Variants in GABRG3 observed in about 807,000 individuals in gnomAD.
The protein encoded by GABRG3 is gamma-aminobutyric acid type A receptor subunit gamma3, also known as gamma-aminobutyric acid receptor subunit gamma-3.
Under a neutral mutation model 48.8 loss-of-function variants are expected in GABRG3, and 25 were observed. The observed-to-expected ratio is 0.51, with a 90% CI of 0.37 to 0.72. The LOEUF is 0.72. Ranked by LOEUF, GABRG3 falls within the 30% of genes least tolerant of loss-of-function variation. The pLI is 0.00. For synonymous variants in GABRG3, 227 were observed against 217.6 expected (o/e 1.04, Z -0.38); for missense variants, 394 against 577.9 (o/e 0.68, Z 3.26).
intron 5 of GABRG3, among the ~76,000 whole-genome samples, chr15:27,439,694 G>T (rs1888725187): frequency 6.6e-6 from 1 of 152,212 alleles, no homozygotes; most frequent in East Asian, 1.9e-4. Flanking sequence ...GCTCAAGACA[G>T]TGTACACAGC....
chr15:27,362,976 A>G (rs1895072325), intron 5 of GABRG3: 2 of 152,224 alleles, frequency 1.3e-5, no homozygotes, highest in Admixed American at 6.5e-5. Flanking sequence ...AAAGAATACC[A>G]TACTGTAAAT....
At chr15:27,132,674 GAGTTT>G (rs1386257977) in intron 3 of GABRG3, among the ~76,000 whole-genome samples, 6 of 150,774 alleles carry the variant, frequency 4.0e-5, no homozygotes, top group African/African-American at 1.5e-4. Context: ...TTTTGGTGCT[GAGTTT>G]AGTTACATGC....
intron 3 of GABRG3, among the ~76,000 whole-genome samples, chr15:27,166,343 A>G (rs1035428445): frequency 6.6e-6 from 1 of 152,186 alleles, no homozygotes; most frequent in African/African-American, 2.4e-5. Context: ...CCATTTTAGT[A>G]TTGATTTGCT....
chr15:27,387,379 C>T (rs1201921766), intron 5 of GABRG3, among the ~76,000 whole-genome samples: 1 of 151,994 alleles, frequency 6.6e-6, no homozygotes, highest in East Asian at 1.9e-4. Flanking sequence ...TTTGAGTGCA[C>T]ATTCTGGCCT....
intron 3 of GABRG3, among the ~76,000 whole-genome samples, chr15:27,234,661 C>T (rs1354369724): frequency 6.6e-6 from 1 of 152,156 alleles, no homozygotes; most frequent in Non-Finnish European, 1.5e-5. Flanking sequence ...GGATGATCAC[C>T]TTTTAGTTAC....
At chr15:27,370,644 C>G (rs1895378722) in intron 5 of GABRG3, among the ~76,000 whole-genome samples, 1 of 152,204 alleles carries the variant, frequency 6.6e-6, no homozygotes. Flanking sequence ...GCTTCATTAG[C>G]TGCTCGTTTA....
intron 3 of GABRG3, chr15:27,208,417 A>G (rs747414774): frequency 7.0e-5 from 15 of 214,764 alleles, no homozygotes; most frequent in Middle Eastern, 1.0e-3. Context: ...AGAAGTTGGC[A>G]TTGTTTATGT....
rs769349762 is a variant in GABRG3 at position 27,531,690 on chromosome 15, C to T, written c.1123-910C>T. On this transcript the variant is annotated intron_variant, in intron 9 of 9. Coordinates refer to ENST00000615808, the MANE Select transcript of GABRG3 (RefSeq NM_033223.5). Reference sequence around the variant, plus strand: ...TATTCAGTCCAATTTAGAAACGTATCCCCTTAACAGAATTCAATGTAGTGC... The same window carrying T: ...TATTCAGTCCAATTTAGAAACGTATTCCCTTAACAGAATTCAATGTAGTGC... Among the ~76,000 whole-genome samples the T allele has an allele frequency of 9.4e-4, 143 of 152,204 alleles. 1 individual carries two copies. The highest frequency in any genetic ancestry group is 2.6e-3 in the Admixed American group (40 of 15,288).
At chr15:27,082,337 A>G (rs1376984600) in intron 3 of GABRG3, among the ~76,000 whole-genome samples, 1 of 152,254 alleles carries the variant, frequency 6.6e-6, no homozygotes, top group African/African-American at 2.4e-5. Context: ...AGTTGCAGGT[A>G]TAATTGTAGA....
At chr15:27,187,383 A>G (rs944772401) in intron 3 of GABRG3, among the ~76,000 whole-genome samples, 13 of 152,112 alleles carry the variant, frequency 8.5e-5, no homozygotes, top group African/African-American at 2.9e-4. Flanking sequence ...TGCTTTGGCT[A>G]TTCAGGCCCT....
chr15:27,274,550 G>C, intron 3 of GABRG3, among the ~76,000 whole-genome samples: 1 of 152,104 alleles, frequency 6.6e-6, no homozygotes, highest in African/African-American at 2.4e-5. Context: ...CATGAGAACT[G>C]TACCAAGCCC....
At chr15:27,147,439 GA>G (rs1898229444) in intron 3 of GABRG3, among the ~76,000 whole-genome samples, 1 of 151,922 alleles carries the variant, frequency 6.6e-6, no homozygotes, top group African/African-American at 2.4e-5. Flanking sequence ...TAGAATATTT[GA>G]ACAACACTCT....
At chr15:26,980,779 CATCCCATGA>C (rs1895039237) in intron 2 of GABRG3, among the ~76,000 whole-genome samples, 1 of 149,408 alleles carries the variant, frequency 6.7e-6, no homozygotes, top group African/African-American at 2.4e-5. Flanking sequence ...TCTTTAATTT[CATCCCATGA>C]ATTTTGGTAT....
chr15:27,138,315 C>G (rs1898044992), intron 3 of GABRG3, among the ~76,000 whole-genome samples: 1 of 152,132 alleles, frequency 6.6e-6, no homozygotes, highest in Non-Finnish European at 1.5e-5. Context: ...TGGATAAACA[C>G]AAATAAAGGC....
intron 3 of GABRG3, among the ~76,000 whole-genome samples, chr15:27,205,660 T>C (rs1245862568): frequency 2.6e-5 from 4 of 152,044 alleles, no homozygotes; most frequent in Non-Finnish European, 5.9e-5. Context: ...TTTACATACC[T>C]GGTAGAATTC....
At chr15:27,495,133 C>T (rs926278776) in intron 6 of GABRG3, among the ~76,000 whole-genome samples, 13 of 152,170 alleles carry the variant, frequency 8.5e-5, no homozygotes, top group Admixed American at 2.0e-4. Flanking sequence ...TTCCTCCTCC[C>T]CCCAACCCAT....
intron 3 of GABRG3, among the ~76,000 whole-genome samples, chr15:27,129,069 A>G (rs372623580): frequency 5.3e-5 from 8 of 152,348 alleles, no homozygotes; most frequent in African/African-American, 1.9e-4. Flanking sequence ...TGGTATGCAT[A>G]TAATATAAAA....
At chr15:27,161,169 C>T (rs2140403964) in intron 3 of GABRG3, 1 of 152,290 alleles carries the variant, frequency 6.6e-6, no homozygotes, top group East Asian at 1.9e-4. Context: ...CCTCCAACTC[C>T]TGTGGTCCTT....
chr15:27,340,953 A>G, intron 5 of GABRG3: 1 of 501,630 alleles, frequency 2.0e-6, no homozygotes, highest in Admixed American at 2.1e-5. Context: ...AGATTCAATG[A>G]TGCATGCTTT....
Sources: gnomAD v4.1 joint callset for allele counts (sites outside exome capture counted in the v4.1 genomes callset) on GRCh38, gnomAD v4.1.1 for gene constraint, MANE v1.5 for transcripts, NCBI Gene and HGNC (gene_info 2026-07-23, HGNC 2026-07-21) for gene names.